Variants in DOCK3 observed in about 807,000 individuals in gnomAD.
DOCK3 encodes dedicator of cytokinesis protein 3.
DOCK3 carries 60 observed loss-of-function variants against 265.6 expected under a neutral mutation model. The ratio of observed to expected loss-of-function variants is 0.23; its 90% CI spans 0.18 to 0.28. The LOEUF (loss-of-function observed/expected upper bound fraction) is 0.28, where lower values mean the gene tolerates loss of function less well. Ranked by LOEUF, DOCK3 falls within the 10% of genes least tolerant of loss-of-function variation. The probability of loss-of-function intolerance (pLI) is 1.00; values close to 1 mark genes in which losing one functional copy is unlikely to be tolerated. For missense variants in DOCK3, 1,981 were observed against 2,594.3 expected, an observed-to-expected ratio of 0.76 and a Z score of 5.14; for synonymous variants, 881 against 938.0, an observed-to-expected ratio of 0.94 and a Z score of 1.11.
Position 51,315,008 on chromosome 3 carries a change from A to G in DOCK3, c.3282A>G (p.Gly1094=). 6.2e-7 allele frequency: 1 copy of G among 1,609,928 alleles called. No homozygotes were observed. Among genetic ancestry groups the G allele is most frequent in the Non-Finnish European group, 8.5e-7 (1 of 1,177,506 alleles). ...LGEHKIHFIP[G]MIGPFLGVTL... ...AACATAAGATCCACTTTATTCCGGG[A>G]ATGATTGGTCCTTTTCTGGGTGTGA... The change falls in exon 32 of 53, where the codon GGA becomes GGG. Residue 1094 remains glycine, a synonymous_variant. Transcript: ENST00000266037.
At chr3:50,786,375 C>T (rs138406419) in intron 2 of DOCK3, among the ~76,000 whole-genome samples, 3 of 152,210 alleles carry the variant, frequency 2.0e-5, no homozygotes, top group African/African-American at 7.2e-5. Context: ...AGATGACAGT[C>T]CCTCTGTGAG....
In DOCK3 at chr3:51,374,357, C is replaced by G; in HGVS notation, c.5294-112C>G. On this transcript the variant is annotated intron_variant, in intron 49 of 52. Transcript: ENST00000266037. The surrounding 1 kb of genome is among the most constrained non-coding windows in gnomAD (Gnocchi z 4.8). ...CCTGTGCTTGCTGAGTTCATCCTCA[C>G]CCTAACTGTAAGGGACACCTACCCT... 1 of 951,504 alleles carries G rather than the reference C, an allele frequency of 1.1e-6. No individual in the cohort carries two copies. 58.9% of individuals were successfully genotyped at this position (951,504 alleles called of 1,614,324 possible). A position where few individuals can be genotyped will look rare whatever the true frequency, so the allele number is the denominator to read the frequency against.
At position 51,316,795 on chromosome 3, in the gene DOCK3, A is replaced by C. The variant is rs112593343; in HGVS notation, c.3402+1667A>C. Among the ~76,000 whole-genome samples, 153 of 152,256 alleles carry C rather than the reference A, an allele frequency of 1.0e-3. 2 individuals carry two copies. The highest frequency in any genetic ancestry group is 4.2e-3 in the East Asian group (22 of 5,178). The stretch of plus-strand genomic sequence containing the variant: ...GAGTTCAAAGCTTTTGTTCATTTTC[A>C]TTTGAGTTGCTGCTTTCCTTATTGT... On this transcript the variant is annotated intron_variant, in intron 32 of 52. Transcript: ENST00000266037.
intron 9 of DOCK3, among the ~76,000 whole-genome samples, chr3:51,091,466 G>A (rs1041027771): frequency 6.6e-6 from 1 of 152,186 alleles, no homozygotes; most frequent in African/African-American, 2.4e-5. Context: ...GGCGAATCAC[G>A]AAGTCAGGAG....
chr3:50,806,010 C>T (rs944910977), intron 2 of DOCK3, among the ~76,000 whole-genome samples: 1 of 151,544 alleles, frequency 6.6e-6, no homozygotes, highest in Non-Finnish European at 1.5e-5. Context: ...TGCAGCTGCT[C>T]AGCTGGCCTG....
rs947578765 is a variant in DOCK3 at position 51,010,904 on chromosome 3, T to A, written c.316-53544T>A. Among the ~76,000 whole-genome samples, 3 of 152,212 alleles carry A rather than the reference T, an allele frequency of 2.0e-5. No homozygotes were observed. The East Asian group carries it at 5.8e-4, about 29-fold the overall frequency. Reference sequence around the variant, plus strand: ...AGCTTAGTTTGGCTGGATATGAAATTCTGGGTGGAAAATTCTTTCCTTTAA... The same window carrying A: ...AGCTTAGTTTGGCTGGATATGAAATACTGGGTGGAAAATTCTTTCCTTTAA... On this transcript the variant is annotated intron_variant, in intron 5 of 52. Transcript: ENST00000266037.
chr3:51,077,094 C>A (rs529319068), intron 7 of DOCK3, among the ~76,000 whole-genome samples: 19 of 151,812 alleles, frequency 1.3e-4, no homozygotes, highest in African/African-American at 4.6e-4. Flanking sequence ...GGAAAGAGAC[C>A]CAGAGTAGTG....
At chr3:51,159,776 T>G (rs896662759) in intron 11 of DOCK3, among the ~76,000 whole-genome samples, 1 of 152,180 alleles carries the variant, frequency 6.6e-6, no homozygotes, top group Non-Finnish European at 1.5e-5. Context: ...ACATTTCACT[T>G]CTACCCCACC....
intron 12 of DOCK3, among the ~76,000 whole-genome samples, chr3:51,207,327 C>T (rs2089273773): frequency 6.6e-6 from 1 of 152,102 alleles, no homozygotes; most frequent in Admixed American, 6.5e-5. Flanking sequence ...CACCAAGGTA[C>T]CAGTGAGTAT....
At chr3:50,716,444 C>T (rs923109502) in intron 1 of DOCK3, among the ~76,000 whole-genome samples, 2 of 151,966 alleles carry the variant, frequency 1.3e-5, no homozygotes, top group Non-Finnish European at 2.9e-5. Context: ...AGCAGAATGG[C>T]GTGAACCCAG....
intron 4 of DOCK3, among the ~76,000 whole-genome samples, chr3:50,930,485 C>T (rs1414736247): frequency 2.6e-5 from 4 of 152,204 alleles, no homozygotes; most frequent in Non-Finnish European, 5.9e-5. Flanking sequence ...GGGGCTGCTA[C>T]CTGCTCCTGG....
intron 5 of DOCK3, among the ~76,000 whole-genome samples, chr3:50,987,557 G>T (rs1345345722): frequency 1.3e-5 from 2 of 152,194 alleles, no homozygotes; most frequent in Non-Finnish European, 1.5e-5. Flanking sequence ...GAGTGGCCAA[G>T]ATGGCCCACC....
chr3:50,830,298 A>C (rs1426101168), intron 2 of DOCK3, among the ~76,000 whole-genome samples: 1 of 152,204 alleles, frequency 6.6e-6, no homozygotes, highest in Non-Finnish European at 1.5e-5. Flanking sequence ...GTGGGTCCTC[A>C]TGCAAGTCTT....
chr3:51,187,177 A>G (rs1023463953), intron 12 of DOCK3, among the ~76,000 whole-genome samples: 4 of 152,216 alleles, frequency 2.6e-5, no homozygotes, highest in African/African-American at 9.7e-5. Context: ...GCTGCCCAAG[A>G]CTATGGGAAC....
At chr3:51,048,773 G>T (rs1373223541) in intron 5 of DOCK3, among the ~76,000 whole-genome samples, 1 of 151,602 alleles carries the variant, frequency 6.6e-6, no homozygotes, top group Non-Finnish European at 1.5e-5. Context: ...TGAGGCAGGA[G>T]AATGGTGTGA....
At chr3:51,061,039 G>A (rs1308936416) in intron 5 of DOCK3, among the ~76,000 whole-genome samples, 17 of 152,020 alleles carry the variant, frequency 1.1e-4, no homozygotes, top group Non-Finnish European at 1.5e-4. Context: ...TTAGAATGGC[G>A]ATCATTAAAA....
intron 32 of DOCK3, among the ~76,000 whole-genome samples, chr3:51,319,937 T>C (rs1428931713): frequency 6.6e-6 from 1 of 152,158 alleles, no homozygotes; most frequent in Non-Finnish European, 1.5e-5. Flanking sequence ...ATCCTACCAT[T>C]GTTAAGAACT....
chr3:51,114,970 AAAGGAC>A (rs1204123010), intron 9 of DOCK3, among the ~76,000 whole-genome samples: 1 of 152,150 alleles, frequency 6.6e-6, no homozygotes, highest in African/African-American at 2.4e-5. Context: ...ATGTCCCTGC[AAAGGAC>A]ATGAACTCAC....
chr3:50,889,984 C>T (rs767906732), intron 3 of DOCK3, 42 bp from the exon 4 acceptor site: 355 of 1,357,676 alleles, frequency 2.6e-4, no homozygotes, highest in Non-Finnish European at 3.2e-4. Flanking sequence ...ATGTTAATCA[C>T]AATTTTATTT....
Sources: allele counts gnomAD v4.1 joint callset (sites outside exome capture counted in the v4.1 genomes callset), GRCh38; gene constraint gnomAD v4.1.1; non-coding constraint Gnocchi (gnomAD v3.1); transcripts MANE v1.5; gene names NCBI Gene and HGNC (gene_info 2026-07-23, HGNC 2026-07-21).